CDK5RAP2: variants seen among roughly 807,000 people sequenced by gnomAD.
CDK5RAP2 encodes CDK5 regulatory subunit-associated protein 2.
In CDK5RAP2, 147 loss-of-function variants were observed where a neutral mutation model predicts 232.9. The ratio of observed to expected loss-of-function variants is 0.63; its 90% CI spans 0.55 to 0.72. The LOEUF (loss-of-function observed/expected upper bound fraction) is 0.72, where lower values mean the gene tolerates loss of function less well. Among genes scored for constraint, CDK5RAP2 ranks in the 30% least tolerant of loss-of-function variants. The pLI is 0.00. For missense variants in CDK5RAP2, 2,195 were observed against 2,231.5 expected (o/e 0.98, Z 0.33); for synonymous variants, 833 against 833.7 (o/e 1.00, Z 0.01).
At position 120,491,390 on chromosome 9, in the gene CDK5RAP2, C is replaced by T. The variant is rs780752973; in HGVS notation, c.1399G>A (p.Glu467Lys). The change falls in exon 13 of 38, where the codon GAA (glutamate) becomes AAA (lysine). Residue 467 changes from glutamate to lysine, a missense_variant. Glu to Lys is a moderately conservative substitution (Grantham distance 56). Transcript: ENST00000349780. The part of the protein sequence containing the change: ...MENRYKSLLS[E>K]SNKKLHNQEQ... ...TGATTGTGCAATTTTTTATTGCTTT[C>T]ACTCAGAAGACTCTTGTAACGATTT... 6.2e-7 allele frequency: 1 copy of T among 1,612,212 alleles called. No individual in the cohort carries two copies. Among genetic ancestry groups the T allele is most frequent in the Non-Finnish European group, 8.5e-7 (1 of 1,178,612 alleles).
intron 26 of CDK5RAP2, 85 bp downstream of exon 26, chr9:120,422,606 GAA>G: frequency 9.9e-7 from 1 of 1,007,242 alleles, no homozygotes; most frequent in South Asian, 1.3e-5. Flanking sequence ...AACAGAATGG[GAA>G]GGAGCCAAAA....
intron 12 of CDK5RAP2, among the ~76,000 whole-genome samples, chr9:120,514,078 T>C (rs2040214530): frequency 6.6e-6 from 1 of 152,222 alleles, no homozygotes; most frequent in Non-Finnish European, 1.5e-5. Context: ...TCATAGACTA[T>C]AAGCAAAAGT....
intron 20 of CDK5RAP2, 110 bp downstream of exon 20, chr9:120,458,340 A>C: frequency 9.8e-7 from 1 of 1,022,844 alleles, no homozygotes; most frequent in Non-Finnish European, 1.5e-6. Flanking sequence ...CCATTTCAGG[A>C]GCTCTCTCAG....
intron 20 of CDK5RAP2, among the ~76,000 whole-genome samples, chr9:120,456,290 C>T (rs918691273): frequency 4.6e-5 from 7 of 152,160 alleles, no homozygotes; most frequent in Admixed American, 1.3e-4. Context: ...CTTCTCACTT[C>T]GGTTTCTACT....
intron 12 of CDK5RAP2, among the ~76,000 whole-genome samples, chr9:120,501,793 C>T (rs138629635): frequency 5.3e-5 from 8 of 152,268 alleles, no homozygotes; most frequent in East Asian, 1.9e-4. Context: ...AGCAGAATAC[C>T]CAGCTATGCC....
chr9:120,570,170 G>A lies in CDK5RAP2; in HGVS notation c.128-1782C>T, dbSNP rs377746936. On this transcript the variant is annotated intron_variant, in intron 2 of 37. Transcript: ENST00000349780. ...TGTTCGGAAACCACTTAGCAGAAAA[G>A]AGGCTAAGGAGTGGGCAGGGCAGAC... 2.0e-4 allele frequency among the ~76,000 whole-genome samples: 30 copies of A among 152,320 alleles called. No homozygotes were observed. In the East Asian group the frequency reaches 5.4e-3, roughly 27 times the overall value.
intron 32 of CDK5RAP2, chr9:120,406,810 C>T (rs568544106): frequency 1.7e-6 from 1 of 587,880 alleles, no homozygotes; most frequent in African/African-American, 1.9e-5. Flanking sequence ...AATCAAGATG[C>T]CTCAGATGGA....
At chr9:120,535,844 C>T (rs1424271348) in intron 7 of CDK5RAP2, among the ~76,000 whole-genome samples, 1 of 152,188 alleles carries the variant, frequency 6.6e-6, no homozygotes, top group Non-Finnish European at 1.5e-5. Flanking sequence ...ACACCTTGCC[C>T]TGTACTCATT....
At chr9:120,477,612 C>T (rs899829047) in intron 14 of CDK5RAP2, among the ~76,000 whole-genome samples, 162 bp from the exon 15 acceptor site, 3 of 152,186 alleles carry the variant, frequency 2.0e-5, no homozygotes, top group African/African-American at 2.4e-5. Context: ...GAGAGCACCA[C>T]CTTCAGGAGG....
chr9:120,579,844 A>C (rs1012527547), intron 1 of CDK5RAP2, 76 bp downstream of exon 1: 68 of 1,247,318 alleles, frequency 5.5e-5, no homozygotes, highest in Non-Finnish European at 1.4e-5. Flanking sequence ...AGCAAACCCC[A>C]AGGCCGCGTT....
rs118064190 is a variant in CDK5RAP2 at position 120,542,992 on chromosome 9, G to C, written c.383+2722C>G. On this transcript the variant is annotated intron_variant, in intron 5 of 37. Coordinates refer to ENST00000349780, the MANE Select transcript of CDK5RAP2 (RefSeq NM_018249.6). ...GAGGAGGTCTGCTGGAGCAGAGTTAGAGCAGCAAAAGCAAGAACATTTTAG... is the reference window on the plus strand; with the variant it reads ...GAGGAGGTCTGCTGGAGCAGAGTTACAGCAGCAAAAGCAAGAACATTTTAG... Among the ~76,000 whole-genome samples the C allele has an allele frequency of 3.0e-3, 459 of 152,304 alleles. 1 individual carries two copies. The highest frequency in any genetic ancestry group is 4.9e-3 in the Non-Finnish European group (333 of 68,022).
chr9:120,552,181 A>T (rs2042066475), intron 3 of CDK5RAP2, among the ~76,000 whole-genome samples: 2 of 152,172 alleles, frequency 1.3e-5, no homozygotes, highest in South Asian at 2.1e-4. Context: ...ATCATTAAAA[A>T]GTCAGGAAAC....
chr9:120,568,402 A>G lies in CDK5RAP2; in HGVS notation c.128-14T>C. On this transcript the variant is annotated splice_polypyrimidine_tract_variant and intron_variant, in intron 2 of 37. Transcript: ENST00000349780. ...CATTTGGGAGCACTGTAAAAAGGTA[A>G]AATAGAGGAAAACGTCACAGCATGC... 6.3e-7 allele frequency: 1 copy of G among 1,595,554 alleles called. No individual in the cohort carries two copies. The highest frequency in any genetic ancestry group is 1.7e-5 in the Admixed American group (1 of 60,004).
At position 120,439,598 on chromosome 9, in the gene CDK5RAP2, G is replaced by A. The variant is rs139143441; in HGVS notation, c.3523C>T (p.His1175Tyr). ...ACGTGTTTCACGTATCGCACTTGGTGCAAACTTGAAAAGGTCATTTCTTCC... is the reference window on the plus strand; with the variant it reads ...ACGTGTTTCACGTATCGCACTTGGTACAAACTTGAAAAGGTCATTTCTTCC... Reference protein sequence around the residue: ...DGEEMTFSSLHQVRYVKHVKI... With the variant: ...DGEEMTFSSLYQVRYVKHVKI... The change falls in exon 24 of 38, where the codon CAC (histidine) becomes TAC (tyrosine). Residue 1175 changes from histidine (H) to tyrosine (Y), a missense_variant. Transcript: ENST00000349780. The A allele has an allele frequency of 1.4e-4, 233 of 1,614,074 alleles. 1 individual carries two copies. The highest frequency in any genetic ancestry group is 7.9e-4 in the South Asian group (72 of 91,090).
chr9:120,416,188 G>A (rs146596433), intron 27 of CDK5RAP2, among the ~76,000 whole-genome samples: 6 of 152,286 alleles, frequency 3.9e-5, no homozygotes, highest in South Asian at 2.1e-4. Flanking sequence ...TGAAGATAGC[G>A]TTAGATCCAC....
intron 12 of CDK5RAP2, among the ~76,000 whole-genome samples, chr9:120,499,625 G>A (rs935438392): frequency 3.3e-5 from 5 of 152,034 alleles, no homozygotes; most frequent in Admixed American, 6.6e-5. Flanking sequence ...CAAACAGCCA[G>A]ACCAAGAACC....
Position 120,402,837 on chromosome 9 carries a change from G to T in CDK5RAP2, c.5276C>A (p.Pro1759His). The T allele has an allele frequency of 6.2e-7, 1 of 1,614,110 alleles. No homozygotes were observed. ...TCCCAGCTCTTGACTTGTGGAGCTG[G>T]GAGCCTCTTGGGTTTGAATGTCCAT... ...AEMDIQTQEA[P>H]SSTSQELGTK... The change falls in exon 34 of 38, where the codon CCC becomes CAC. Residue 1759 changes from proline to histidine, a missense_variant. Transcript: ENST00000349780.
intron 25 of CDK5RAP2, among the ~76,000 whole-genome samples, chr9:120,429,907 G>C (rs948971976): frequency 1.3e-5 from 2 of 152,112 alleles, no homozygotes; most frequent in East Asian, 1.9e-4. Context: ...GGCACCAAAA[G>C]AGAGATACAG....
rs557933349 is a variant in CDK5RAP2 at position 120,542,604 on chromosome 9, C to A, written c.383+3110G>T. ...ATACAAATATACAATTATCTACATA[C>A]AAAAATTTAAAAAGAACATGGAACC... On this transcript the variant is annotated intron_variant, in intron 5 of 37. Transcript: ENST00000349780. 2.0e-4 allele frequency among the ~76,000 whole-genome samples: 30 copies of A among 151,668 alleles called. No homozygotes were observed. The East Asian group carries it at 4.8e-3, about 24-fold the overall frequency.
Sources: gnomAD v4.1 joint callset for allele counts (sites outside exome capture counted in the v4.1 genomes callset) on GRCh38, gnomAD v4.1.1 for gene constraint, MANE v1.5 for transcripts, NCBI Gene and HGNC (gene_info 2026-07-23, HGNC 2026-07-21) for gene names.